The following LAMA3 variants were observed in gnomAD, a reference collection of about 807,000 sequenced individuals.
LAMA3 encodes laminin subunit alpha 3, also known as laminin subunit alpha-3.
Under a neutral mutation model 402.0 loss-of-function variants are expected in LAMA3, and 281 were observed. That is an observed-to-expected ratio of 0.70 (90% confidence interval 0.63 to 0.77). LAMA3 has a LOEUF of 0.77. Ranked by LOEUF, LAMA3 falls within the 30% of genes least tolerant of loss-of-function variation. LAMA3 has a pLI of 0.00. For missense variants in LAMA3, 3,840 were observed against 4,215.5 expected (o/e 0.91, Z 2.47); for synonymous variants, 1,431 against 1,558.4 (o/e 0.92, Z 1.93).
At chr18:23,930,420 G>A (rs555274236) in intron 64 of LAMA3, among the ~76,000 whole-genome samples, 84 of 152,226 alleles carry the variant, frequency 5.5e-4, no homozygotes, top group African/African-American at 1.8e-3. Flanking sequence ...GAATTGATCC[G>A]ATAGAAATAA....
intron 65 of LAMA3, 120 bp downstream of exon 65, chr18:23,931,321 T>A: frequency 1.2e-6 from 1 of 829,974 alleles, no homozygotes; most frequent in Non-Finnish European, 2.1e-6. Flanking sequence ...ACTTCACTAA[T>A]AAGTCTTGTC....
At position 23,758,346 on chromosome 18, in the gene LAMA3, C is replaced by G. The variant is rs369678340; in HGVS notation, c.948-50C>G. On this transcript the variant is annotated intron_variant, in intron 6 of 74. Transcript: ENST00000313654. ...GGTTCGCACTATAGGATCAACTGAT[C>G]CTCATCAAAACTTTTCAATAACTGA... 9.0e-5 allele frequency: 125 copies of G among 1,387,910 alleles called. No individual in the cohort carries two copies. The African/African-American group carries it at 1.7e-3, about 19-fold the overall frequency. 86.0% of individuals were successfully genotyped at this position (1,387,910 alleles called of 1,614,324 possible). A position where few individuals can be genotyped will look rare whatever the true frequency, so the allele number is the denominator to read the frequency against.
intron 1 of LAMA3, among the ~76,000 whole-genome samples, chr18:23,703,541 AC>A (rs1018347806): frequency 1.3e-5 from 2 of 152,220 alleles, no homozygotes; most frequent in African/African-American, 4.8e-5. Flanking sequence ...CAATTGCTTA[AC>A]TGCTTCTTTT....
intron 60 of LAMA3, among the ~76,000 whole-genome samples, chr18:23,919,124 T>C (rs1185637618): frequency 6.6e-6 from 1 of 152,242 alleles, no homozygotes; most frequent in Non-Finnish European, 1.5e-5. Context: ...AGAGATCTGC[T>C]TTAAGTAGGA....
At chr18:23,834,068 A>G (rs1227867332) in intron 24 of LAMA3, 80 bp downstream of exon 24, 2 of 1,511,172 alleles carry the variant, frequency 1.3e-6, no homozygotes, top group East Asian at 2.3e-5. Flanking sequence ...TGTTACTTGC[A>G]TTGGGAGGTT....
rs779411388 is a variant in LAMA3, at chr18:23,749,484, C to T, written c.622C>T (p.Arg208Trp). The change falls in exon 4 of 75, where the codon CGG (arginine) becomes TGG (tryptophan). Residue 208 changes from arginine (R) to tryptophan (W), a missense_variant. Arg to Trp is a moderately radical substitution (Grantham distance 101). Transcript: ENST00000313654. Reference protein sequence around the residue: ...FGREANMAVTRDDDVLCVTEY... With the variant: ...FGREANMAVTWDDDVLCVTEY... Reference sequence around the variant, plus strand: ...GCGGGAGGCAAATATGGCTGTCACCCGGGATGATGATGTACTTTGTGTTAC... The same window carrying T: ...GCGGGAGGCAAATATGGCTGTCACCTGGGATGATGATGTACTTTGTGTTAC... 5 of 1,613,100 alleles carry T rather than the reference C, an allele frequency of 3.1e-6. No individual in the cohort carries two copies. Among genetic ancestry groups the T allele is most frequent in the African/African-American group, 1.3e-5 (1 of 74,984 alleles).
intron 8 of LAMA3, among the ~76,000 whole-genome samples, chr18:23,766,295 A>G (rs761388775): frequency 6.6e-6 from 1 of 152,216 alleles, no homozygotes; most frequent in Non-Finnish European, 1.5e-5. Context: ...AAGTGCTAAA[A>G]GAAAAAAGAA....
Position 23,953,116 on chromosome 18 carries a change from C to T in LAMA3, c.9856+7C>T. 6.2e-7 allele frequency: 1 copy of T among 1,613,778 alleles called. No homozygotes were observed. Among genetic ancestry groups the T allele is most frequent in the South Asian group, 1.1e-5 (1 of 91,066 alleles). ...CACCTTGGAGGTGCTCCAGGTAACT[C>T]TTGTCCTGACTTCTATAATGTGTTG... On this transcript the variant is annotated splice_region_variant and intron_variant, in intron 74 of 74. Coordinates refer to ENST00000313654, the MANE Select transcript of LAMA3 (RefSeq NM_198129.4).
At chr18:23,884,910 T>G (rs2065021488) in intron 41 of LAMA3, 57 bp downstream of exon 41, 1 of 1,379,708 alleles carries the variant, frequency 7.2e-7, no homozygotes, top group East Asian at 2.3e-5. Flanking sequence ...GGGCTGTGGG[T>G]GGGGCTGCCA....
intron 2 of LAMA3, among the ~76,000 whole-genome samples, chr18:23,733,084 G>A (rs1393753972): frequency 6.6e-6 from 1 of 152,012 alleles, no homozygotes; most frequent in Non-Finnish European, 1.5e-5. Context: ...GGACTAATCA[G>A]CAGCCCAGGG....
intron 48 of LAMA3, 67 bp downstream of exon 48, chr18:23,901,390 T>A: frequency 5.2e-6 from 7 of 1,342,906 alleles, no homozygotes; most frequent in Non-Finnish European, 7.5e-6. Context: ...ATCTTTATTA[T>A]TAATAAAGTG....
At chr18:23,816,032 C>T (rs1274746141) in intron 17 of LAMA3, among the ~76,000 whole-genome samples, 2 of 152,122 alleles carry the variant, frequency 1.3e-5, no homozygotes, top group African/African-American at 2.4e-5. Flanking sequence ...TTCTGAAGCG[C>T]GTTTACTCCT....
intron 62 of LAMA3, among the ~76,000 whole-genome samples, chr18:23,922,680 T>G (rs893010562): frequency 6.6e-6 from 1 of 152,234 alleles, no homozygotes; most frequent in Non-Finnish European, 1.5e-5. Flanking sequence ...ATATTATCAA[T>G]ATCAAATAGC....
chr18:23,839,466 A>C lies in LAMA3; in HGVS notation c.3192-319A>C, dbSNP rs1172507944. ...TCAATATTTATGTTTAGAGGTGAATAATGTTTTATTGTATTGATCTCATTT... is the reference window on the plus strand; with the variant it reads ...TCAATATTTATGTTTAGAGGTGAATCATGTTTTATTGTATTGATCTCATTT... On this transcript the variant is annotated intron_variant, in intron 26 of 74. Coordinates refer to ENST00000313654, the MANE Select transcript of LAMA3 (RefSeq NM_198129.4). This position sits in a 1 kb window ranked among gnomAD's most constrained non-coding sequence, Gnocchi z 4.5. Among the ~76,000 whole-genome samples the C allele has an allele frequency of 2.0e-5, 3 of 152,204 alleles. No homozygotes were observed. The East Asian group carries it at 5.8e-4, about 29-fold the overall frequency.
chr18:23,743,999 G>A (rs2061606271), intron 2 of LAMA3, among the ~76,000 whole-genome samples: 1 of 152,162 alleles, frequency 6.6e-6, no homozygotes, highest in East Asian at 1.9e-4. Flanking sequence ...GTAAACATAA[G>A]TACTGAGAGT....
chr18:23,886,105 T>C (rs2065065186), intron 41 of LAMA3, among the ~76,000 whole-genome samples: 1 of 152,236 alleles, frequency 6.6e-6, no homozygotes, highest in Non-Finnish European at 1.5e-5. Context: ...GAGATCCTTT[T>C]ACTGTTCTGC....
In LAMA3 at chr18:23,916,733, T is replaced by C. The variant is rs761156491; in HGVS notation, c.7923+38T>C. ...AAGCATCCAGATACAACCAAATATA[T>C]TCATTCTGTTTAGCAATTTGGAGAT... On this transcript the variant is annotated intron_variant, in intron 60 of 74. Coordinates refer to ENST00000313654, the MANE Select transcript of LAMA3 (RefSeq NM_198129.4). 8.1e-6 allele frequency: 13 copies of C among 1,604,614 alleles called. No individual in the cohort carries two copies. In the East Asian group the frequency reaches 2.7e-4, roughly 33 times the overall value.
At chr18:23,869,535 A>G (rs1228303828) in intron 37 of LAMA3, among the ~76,000 whole-genome samples, 2 of 152,196 alleles carry the variant, frequency 1.3e-5, no homozygotes, top group African/African-American at 2.4e-5. Flanking sequence ...AGGGAATATT[A>G]TTGTATGTAA....
At chr18:23,884,950 G>A in intron 41 of LAMA3, 97 bp downstream of exon 41, 1 of 860,648 alleles carries the variant, frequency 1.2e-6, no homozygotes, top group Non-Finnish European at 1.8e-6. Flanking sequence ...GGGTGGGGCT[G>A]GGAGTTTGAC....
Sources: allele counts gnomAD v4.1 joint callset (sites outside exome capture counted in the v4.1 genomes callset), GRCh38; gene constraint gnomAD v4.1.1; non-coding constraint Gnocchi (gnomAD v3.1); transcripts MANE v1.5; gene names NCBI Gene and HGNC (gene_info 2026-07-23, HGNC 2026-07-21).